The following DHRS7 variants were observed in gnomAD, a reference collection of about 807,000 sequenced individuals.
The protein encoded by DHRS7 is dehydrogenase/reductase SDR family member 7.
A neutral mutation model predicts 38.9 loss-of-function variants in DHRS7; 34 were observed. That is an observed-to-expected ratio of 0.87 (90% CI 0.66 to 1.16). DHRS7 has a LOEUF of 1.16. Ranked by LOEUF, DHRS7 falls within the 50% of genes most tolerant of loss-of-function variation. DHRS7 has a pLI of 0.00. For synonymous variants in DHRS7, 158 were observed against 153.1 expected (o/e 1.03, Z -0.24); for missense variants, 421 against 407.0 (o/e 1.03, Z -0.30).
At chr14:60,150,480 T>A (rs378900) in intron 4 of DHRS7, among the ~76,000 whole-genome samples, 41,207 of 151,088 alleles carry the variant, frequency 0.27, 7,620 homozygotes, top group African/African-American at 0.52. Flanking sequence ...CCCCACCCCA[T>A]GACAGGCCCC....
intron 4 of DHRS7, chr14:60,152,662 A>G (rs2140596407): frequency 2.3e-6 from 1 of 435,048 alleles, no homozygotes; most frequent in Admixed American, 3.8e-5. Flanking sequence ...TTTTGAGGGC[A>G]GAGACCACAT....
At chr14:60,155,321 C>T (rs1019438411) in intron 2 of DHRS7, among the ~76,000 whole-genome samples, 1 of 151,976 alleles carries the variant, frequency 6.6e-6, no homozygotes, top group Non-Finnish European at 1.5e-5. Flanking sequence ...TGGTGGTGCA[C>T]GTCTGTGGCC....
chr14:60,152,907 G>C, intron 4 of DHRS7, 32 bp downstream of exon 4: 1 of 1,612,848 alleles, frequency 6.2e-7, no homozygotes, highest in Non-Finnish European at 8.5e-7. Context: ...ATTTAAGTCA[G>C]TTCTATCAGA....
intron 1 of DHRS7, among the ~76,000 whole-genome samples, chr14:60,164,761 G>A (rs1323029297): frequency 6.6e-6 from 1 of 152,186 alleles, no homozygotes; most frequent in Non-Finnish European, 1.5e-5. Flanking sequence ...CCGGGCTTCC[G>A]GTACTTACAA....
At chr14:60,158,933 T>C (rs1896709694) in intron 1 of DHRS7, 1 of 251,682 alleles carries the variant, frequency 4.0e-6, no homozygotes, top group South Asian at 4.8e-5. Context: ...AATCCTGCCT[T>C]GTGGTTTGAC....
At chr14:60,151,926 GC>G (rs998022280) in intron 4 of DHRS7, among the ~76,000 whole-genome samples, 1 of 152,164 alleles carries the variant, frequency 6.6e-6, no homozygotes, top group African/African-American at 2.4e-5. Context: ...CAGATGGGTG[GC>G]CGCCCTCCCT....
At chr14:60,168,738 C>A, upstream of DHRS7, 1 of 1,558,774 alleles carries the variant, frequency 6.4e-7, no homozygotes, top group Non-Finnish European at 8.7e-7. Flanking sequence ...AATTTATGGT[C>A]TCAGATTTAA....
chr14:60,165,880 C>T (rs756161928), upstream of DHRS7, among the ~76,000 whole-genome samples: 6 of 152,186 alleles, frequency 3.9e-5, no homozygotes, highest in Non-Finnish European at 8.8e-5. The surrounding 1 kb of genome is among the most constrained non-coding windows in gnomAD (Gnocchi z 4.6). Context: ...AATGGTCCCT[C>T]CATGGGGACA....
At chr14:60,152,599 T>TCGG in intron 4 of DHRS7, 1 of 229,814 alleles carries the variant, frequency 4.4e-6, no homozygotes, top group South Asian at 7.3e-5. Flanking sequence ...CCATGAAGAT[T>TCGG]TAGTAGGAAT....
chr14:60,156,109 C>T lies in DHRS7; in HGVS notation c.177G>A (p.Ser59=), dbSNP rs774766986. ...TDMVVWVTGA[S]SGIGEELAYQ... is the part of the protein sequence containing the mutation. ...AAGCCAGCTCCTCACCAATTCCACT[C>T]GAGGCTCCAGTCACCCACACCACCA... Residue 59 remains serine (S), a synonymous_variant, in exon 2 of 7, where the codon TCG becomes TCA. Coordinates refer to ENST00000557185, the MANE Select transcript of DHRS7 (RefSeq NM_016029.4). 33 of 1,600,148 alleles carry T rather than the reference C, an allele frequency of 2.1e-5. No individual in the cohort carries two copies. The highest frequency in any genetic ancestry group is 2.7e-5 in the African/African-American group (2 of 73,984).
rs570641536 is a variant in DHRS7 at position 60,162,154 on chromosome 14, T to C, written c.133+3023A>G. Among the ~76,000 whole-genome samples, 1 of 152,204 alleles carries C rather than the reference T, an allele frequency of 6.6e-6. No homozygotes were observed. The highest frequency in any genetic ancestry group is 1.9e-4 in the East Asian group (1 of 5,186). ...ACTTTGAGAGGCCAAGGTGGAAGGA[T>C]CACTTGAGGCCAGGAGTTCAAGACC... On this transcript the variant is annotated intron_variant, in intron 1 of 6. Transcript: ENST00000557185. This position sits in a 1 kb window ranked among gnomAD's most constrained non-coding sequence, Gnocchi z 4.5.
Position 60,149,570 on chromosome 14 carries a change from T to G in DHRS7, c.757-2A>C. The G allele has an allele frequency of 1.3e-6, 2 of 1,582,096 alleles. No homozygotes were observed. Among genetic ancestry groups the G allele is most frequent in the Non-Finnish European group, 1.7e-6 (2 of 1,165,300 alleles). The stretch of plus-strand genomic sequence containing the variant: ...CTGGTCTCCATTATTGCCTATAGTC[T>G]AAGAAAAGTTAAAAATTAAGTGAAT... On this transcript the variant is annotated splice_acceptor_variant, in intron 5 of 6. Transcript: ENST00000557185. LOFTEE classifies it high-confidence loss of function.
intron 6 of DHRS7, chr14:60,147,409 T>A (rs1046817729): frequency 6.6e-6 from 1 of 152,080 alleles, no homozygotes; most frequent in African/African-American, 2.4e-5. Flanking sequence ...CAAAAAAAGG[T>A]AACTGGGTGA....
Position 60,144,842 on chromosome 14 carries a change from A to G in DHRS7, c.*124T>C. 2.5e-6 allele frequency: 2 copies of G among 814,166 alleles called. No individual in the cohort carries two copies. Among genetic ancestry groups the G allele is most frequent in the South Asian group, 3.2e-5 (2 of 62,626 alleles). 50.4% of individuals were successfully genotyped at this position (814,166 alleles called of 1,614,324 possible). A position where few individuals can be genotyped will look rare whatever the true frequency, so the allele number is the denominator to read the frequency against. On this transcript the variant is annotated 3_prime_UTR_variant, in exon 7 of 7. Transcript: ENST00000557185. The stretch of plus-strand genomic sequence containing the variant: ...TTTATTTCATTCCATGTTGGAAGCA[A>G]AGTCATATCTATTAAAAAGTAAAAT...
In DHRS7 at chr14:60,162,033, A is replaced by G. The variant is rs1366477241; in HGVS notation, c.133+3144T>C. Among the ~76,000 whole-genome samples, 1 of 152,204 alleles carries G rather than the reference A, an allele frequency of 6.6e-6. No homozygotes were observed. The highest frequency in any genetic ancestry group is 1.5e-5 in the Non-Finnish European group (1 of 68,036). On this transcript the variant is annotated intron_variant, in intron 1 of 6. Transcript: ENST00000557185. This position sits in a 1 kb window ranked among gnomAD's most constrained non-coding sequence, Gnocchi z 4.5. ...ATTTTTCCTCCTCTAGACTTGTGCCATGGATTTTTCTGGACCATTTTAATG... is the reference window on the plus strand; with the variant it reads ...ATTTTTCCTCCTCTAGACTTGTGCCGTGGATTTTTCTGGACCATTTTAATG...
intron 1 of DHRS7, among the ~76,000 whole-genome samples, chr14:60,158,693 G>GA (rs1488378830): frequency 6.6e-6 from 1 of 152,146 alleles, no homozygotes; most frequent in Non-Finnish European, 1.5e-5. Flanking sequence ...AAGAGCCCCT[G>GA]AAAGTAGATT....
At position 60,145,482 on chromosome 14, in the gene DHRS7, A is replaced by G. The variant is rs969094303; in HGVS notation, c.973-469T>C. ...CAGATCACCTGAGGTCAGGAGTTAGAGACCAGCCTGGCAAAACCCCATCTC... is the reference window on the plus strand; with the variant it reads ...CAGATCACCTGAGGTCAGGAGTTAGGGACCAGCCTGGCAAAACCCCATCTC... On this transcript the variant is annotated intron_variant, in intron 6 of 6. Coordinates refer to ENST00000557185, the MANE Select transcript of DHRS7 (RefSeq NM_016029.4). This position sits in a 1 kb window ranked among gnomAD's most constrained non-coding sequence, Gnocchi z 4.0. The G allele has an allele frequency of 2.0e-5, 3 of 152,374 alleles. No homozygotes were observed. Among genetic ancestry groups the G allele is most frequent in the Admixed American group, 6.5e-5 (1 of 15,268 alleles). 9.4% of individuals were successfully genotyped at this position (152,374 alleles called of 1,614,324 possible).
rs1317607321 is a variant in DHRS7, at chr14:60,146,621, A to G, written c.973-1608T>C. On this transcript the variant is annotated intron_variant, in intron 6 of 6. Transcript: ENST00000557185. The surrounding 1 kb of genome is among the most constrained non-coding windows in gnomAD (Gnocchi z 4.9). ...TAGCATTATTCATAATAGCCAAGAT[A>G]TGGAAACAACCTAAGTGTCCATTAG... 2 of 152,202 alleles carry G rather than the reference A, an allele frequency of 1.3e-5. No individual in the cohort carries two copies. The highest frequency in any genetic ancestry group is 2.9e-5 in the Non-Finnish European group (2 of 68,036). The allele number at this position is 152,202 out of a possible 1,614,324, so 9.4% of individuals were successfully genotyped here.
At chr14:60,158,230 C>T (rs1896696150) in intron 1 of DHRS7, among the ~76,000 whole-genome samples, 3 of 80,948 alleles carry the variant, frequency 3.7e-5, no homozygotes, top group African/African-American at 7.2e-5. Flanking sequence ...GAGACTCTGT[C>T]GGAAAAAAAA....
Sources: allele counts gnomAD v4.1 joint callset (sites outside exome capture counted in the v4.1 genomes callset), GRCh38; gene constraint gnomAD v4.1.1; non-coding constraint Gnocchi (gnomAD v3.1); transcripts MANE v1.5; gene names NCBI Gene and HGNC (gene_info 2026-07-23, HGNC 2026-07-21).